Variants in KMO observed in about 807,000 individuals in gnomAD.
The protein encoded by KMO is kynurenine 3-hydroxylase.
In KMO, 24 loss-of-function variants were observed where a neutral mutation model predicts 57.8. The observed-to-expected ratio is 0.42, with a 90% CI of 0.30 to 0.58. The LOEUF (loss-of-function observed/expected upper bound fraction) is 0.58, where lower values mean the gene tolerates loss of function less well. Among genes scored for constraint, KMO ranks in the 20% least tolerant of loss-of-function variants. KMO has a pLI of 0.22. For synonymous variants in KMO, 210 were observed against 193.6 expected (o/e 1.08, Z -0.70); for missense variants, 483 against 588.2 (o/e 0.82, Z 1.85).
intron 9 of KMO, 129 bp downstream of exon 9, chr1:241,566,741 T>C: frequency 1.0e-6 from 1 of 969,076 alleles, no homozygotes; most frequent in Non-Finnish European, 1.6e-6. Flanking sequence ...GAAACCTACA[T>C]TAGAGCAAAA....
chr1:241,553,231 G>T (rs921624290), intron 4 of KMO, among the ~76,000 whole-genome samples: 2 of 152,116 alleles, frequency 1.3e-5, no homozygotes, highest in Non-Finnish European at 2.9e-5. Context: ...GGAGAAGTAA[G>T]ACTTGATGGG....
rs769776691 is a variant in KMO at position 241,539,383 on chromosome 1, C to CAAA, written c.54+6890_54+6892dup. On this transcript the variant is annotated intron_variant, in intron 1 of 14. Transcript: ENST00000366559. ...TGGGCAACGGAGTGAGACTCCGTCT[C>CAAA]AAAAAAATTCCAGAAAGCAGCAATA... Among the ~76,000 whole-genome samples, 10 of 134,930 alleles carry CAAA rather than the reference C, an allele frequency of 7.4e-5. No homozygotes were observed. In the East Asian group the frequency reaches 9.5e-4, roughly 13 times the overall value. 88.5% of individuals were successfully genotyped at this position (134,930 alleles called of 152,430 possible).
chr1:241,563,341 G>A (rs1215295136), intron 7 of KMO, among the ~76,000 whole-genome samples: 1 of 152,132 alleles, frequency 6.6e-6, no homozygotes, highest in Non-Finnish European at 1.5e-5. Context: ...TTAAATACTT[G>A]ATTTGCATAT....
chr1:241,572,930 G>A (rs1319834377), intron 10 of KMO, among the ~76,000 whole-genome samples: 1 of 151,992 alleles, frequency 6.6e-6, no homozygotes, highest in Non-Finnish European at 1.5e-5. Flanking sequence ...AAAATATTGG[G>A]CTCCAGCTCC....
intron 1 of KMO, among the ~76,000 whole-genome samples, chr1:241,543,808 C>T (rs1484786007): frequency 6.6e-6 from 1 of 152,142 alleles, no homozygotes; most frequent in Non-Finnish European, 1.5e-5. Context: ...ATCCCTTATT[C>T]TCCCATAAAA....
chr1:241,592,025 A>G lies in KMO; in HGVS notation c.1333A>G (p.Met445Val), dbSNP rs761030668. 3.1e-6 allele frequency: 5 copies of G among 1,613,854 alleles called. No individual in the cohort carries two copies. The highest frequency in any genetic ancestry group is 2.7e-5 in the African/African-American group (2 of 74,906). The change falls in exon 15 of 15, where the codon ATG becomes GTG. Residue 445 changes from methionine (M) to valine (V), a missense_variant. Physicochemically the swap from Met to Val is conservative, Grantham distance 21. Transcript: ENST00000366559. ...CAGTACCTACCTACTTATACACTAC[A>G]TGTCACCACGATCTTTCCTCCGCTT... ...ISSTYLLIHY[M>V]SPRSFLRLRR...
chr1:241,552,356 C>T (rs1317059004), intron 4 of KMO, among the ~76,000 whole-genome samples: 1 of 152,030 alleles, frequency 6.6e-6, no homozygotes, highest in Non-Finnish European at 1.5e-5. Flanking sequence ...TTATAGGGGC[C>T]CCACATACTT....
At chr1:241,534,743 C>T (rs66799800) in intron 1 of KMO, among the ~76,000 whole-genome samples, 2,961 of 152,274 alleles carry the variant, frequency 0.019, 47 homozygotes, top group South Asian at 0.063. Context: ...CCTTATAGTC[C>T]ATACTACACA....
At chr1:241,548,548 GTTCT>G (rs1238948535) in intron 1 of KMO, among the ~76,000 whole-genome samples, 1 of 149,038 alleles carries the variant, frequency 6.7e-6, no homozygotes, top group Non-Finnish European at 1.5e-5. Flanking sequence ...TATGTTTTAT[GTTCT>G]TTCTGTTTGA....
At chr1:241,578,944 A>G (rs774121425) in intron 10 of KMO, among the ~76,000 whole-genome samples, 10 of 152,056 alleles carry the variant, frequency 6.6e-5, no homozygotes, top group African/African-American at 2.2e-4. Context: ...CCCTTATAAA[A>G]CCATCAGATC....
chr1:241,565,416 C>T (rs566670726), intron 8 of KMO, among the ~76,000 whole-genome samples: 4 of 152,086 alleles, frequency 2.6e-5, no homozygotes, highest in Non-Finnish European at 4.4e-5. Flanking sequence ...CATTGGAATA[C>T]GCATTATCAA....
intron 14 of KMO, among the ~76,000 whole-genome samples, chr1:241,591,686 G>A (rs551036678): frequency 3.3e-5 from 5 of 152,278 alleles, no homozygotes; most frequent in South Asian, 4.1e-4. Context: ...GTTTTTTAAT[G>A]GCTGGACAAA....
In KMO at chr1:241,588,797, G is replaced by A. The variant is rs566876281; in HGVS notation, c.1065G>A (p.Ala355=). 8.1e-6 allele frequency: 13 copies of A among 1,613,394 alleles called. No homozygotes were observed. Among genetic ancestry groups the A allele is most frequent in the East Asian group, 6.7e-5 (3 of 44,808 alleles). ...GATTGAGAATCCCAGATGATCACGCGATTTCAGACCTATCCATGTACAATT... is the reference window on the plus strand; with the variant it reads ...GATTGAGAATCCCAGATGATCACGCAATTTCAGACCTATCCATGTACAATT... ...FSRLRIPDDH[A]ISDLSMYNYI... is the part of the protein sequence containing the mutation. The change falls in exon 12 of 15, where the codon GCG becomes GCA. Residue 355 remains alanine, a synonymous_variant. Coordinates refer to ENST00000366559, the MANE Select transcript of KMO (RefSeq NM_003679.5).
intron 5 of KMO, 135 bp from the exon 6 acceptor site, chr1:241,560,530 T>C (rs1573918809): frequency 1.5e-6 from 1 of 647,938 alleles, no homozygotes; most frequent in East Asian, 2.8e-5. Context: ...ACCATTTAAG[T>C]GAACTTATTT....
chr1:241,586,867 T>C, intron 11 of KMO, 131 bp downstream of exon 11: 1 of 661,372 alleles, frequency 1.5e-6, no homozygotes, highest in Non-Finnish European at 2.6e-6. Flanking sequence ...TACATATTTT[T>C]CTACTAATAG....
intron 1 of KMO, among the ~76,000 whole-genome samples, chr1:241,545,000 T>A (rs765976191): frequency 7.2e-4 from 109 of 152,280 alleles, no homozygotes; most frequent in Non-Finnish European, 1.1e-3. Flanking sequence ...AAATAGGGTG[T>A]TTACTGGGCA....
At chr1:241,591,610 T>C (rs781623984) in intron 14 of KMO, among the ~76,000 whole-genome samples, 1 of 152,158 alleles carries the variant, frequency 6.6e-6, no homozygotes, top group Non-Finnish European at 1.5e-5. Context: ...AAGGAATGAA[T>C]GATGTGTGGC....
intron 10 of KMO, among the ~76,000 whole-genome samples, chr1:241,572,119 C>G (rs1052486755): frequency 6.6e-6 from 1 of 151,988 alleles, no homozygotes. Flanking sequence ...CCCACCTCAG[C>G]CTTCCAAAGT....
In KMO at chr1:241,539,192, G is replaced by C. The variant is rs374018815; in HGVS notation, c.54+6694G>C. 3.3e-5 allele frequency among the ~76,000 whole-genome samples: 5 copies of C among 152,198 alleles called. No homozygotes were observed. In the South Asian group the frequency reaches 6.2e-4, roughly 19 times the overall value. ...GAGCTCAAGAGTTCGAGACCAGTCT[G>C]GGTAACACAGTGAAACCCCATCTCT... On this transcript the variant is annotated intron_variant, in intron 1 of 14. Coordinates refer to ENST00000366559, the MANE Select transcript of KMO (RefSeq NM_003679.5).
Sources: gnomAD v4.1 joint callset for allele counts (sites outside exome capture counted in the v4.1 genomes callset) on GRCh38, gnomAD v4.1.1 for gene constraint, MANE v1.5 for transcripts, NCBI Gene and HGNC (gene_info 2026-07-23, HGNC 2026-07-21) for gene names.